The following DROSHA variants were observed in gnomAD, a reference collection of about 807,000 sequenced individuals.
The protein encoded by DROSHA is ribonuclease 3.
A neutral mutation model predicts 181.9 loss-of-function variants in DROSHA; 56 were observed. That is an observed-to-expected ratio of 0.31 (90% CI 0.25 to 0.38). The LOEUF is 0.38. DROSHA is among the 10% of genes least tolerant of loss of function. The pLI, the probability that DROSHA is intolerant of heterozygous loss-of-function variation, is 1.00. For synonymous variants in DROSHA, 524 were observed against 591.2 expected, an observed-to-expected ratio of 0.89 and a Z score of 1.65; for missense variants, 1,218 against 1,743.5, an observed-to-expected ratio of 0.70 and a Z score of 5.37.
rs569748970 is a variant in DROSHA at position 31,469,003 on chromosome 5, T to A, written c.2242-940A>T. 4.3e-4 allele frequency among the ~76,000 whole-genome samples: 66 copies of A among 152,298 alleles called. 1 individual carries two copies. The South Asian group carries it at 0.013, about 31-fold the overall frequency. ...TCTCTCAGCAACTGGGACAAACTGG[T>A]CACTCTACCTACAACTGTGATACCA... On this transcript the variant is annotated intron_variant, in intron 17 of 35. Coordinates refer to ENST00000344624, the MANE Select transcript of DROSHA (RefSeq NM_001382508.1).
Position 31,409,683 on chromosome 5 carries a change from T to C in DROSHA, c.3668-351A>G, listed in dbSNP as rs1561114407. 5.3e-6 allele frequency: 1 copy of C among 187,310 alleles called. No individual in the cohort carries two copies. The highest frequency in any genetic ancestry group is 1.1e-5 in the Non-Finnish European group (1 of 88,544). 11.6% of individuals were successfully genotyped at this position (187,310 alleles called of 1,614,324 possible). ...CAAAATATTACTTGAAGATTAGATATGATGCCAGAATACGCACATTCTTGG... is the reference window on the plus strand; with the variant it reads ...CAAAATATTACTTGAAGATTAGATACGATGCCAGAATACGCACATTCTTGG... On this transcript the variant is annotated intron_variant, in intron 31 of 35. Coordinates refer to ENST00000344624, the MANE Select transcript of DROSHA (RefSeq NM_001382508.1). The surrounding 1 kb of genome is among the most constrained non-coding windows in gnomAD (Gnocchi z 4.0).
rs16901243 is a variant in DROSHA, at chr5:31,514,124, T to G, written c.1290+864A>C. Among the ~76,000 whole-genome samples, 1 of 152,090 alleles carries G rather than the reference T, an allele frequency of 6.6e-6. No homozygotes were observed. Among genetic ancestry groups the G allele is most frequent in the African/African-American group, 2.4e-5 (1 of 41,420 alleles). On this transcript the variant is annotated intron_variant, in intron 8 of 35. Transcript: ENST00000344624. This position sits in a 1 kb window ranked among gnomAD's most constrained non-coding sequence, Gnocchi z 4.4. ...CAATGGCTCTCCCTTTCTGCAAAACTAGCCAATATGCATGGGCAACTTCGT... is the reference window on the plus strand; with the variant it reads ...CAATGGCTCTCCCTTTCTGCAAAACGAGCCAATATGCATGGGCAACTTCGT...
At chr5:31,404,808 TAAA>T (rs58366370) in intron 35 of DROSHA, among the ~76,000 whole-genome samples, 1 of 151,080 alleles carries the variant, frequency 6.6e-6, no homozygotes, top group Admixed American at 6.6e-5. Context: ...GATAATGATT[TAAA>T]AAAAAATGTC....
chr5:31,422,961 A>G lies in DROSHA; in HGVS notation c.3262-17T>C. ...CTCTTGTAGCTACAGGAAAATAGAA[A>G]TAAATAAAAATCATTTTTTCATTTT... On this transcript the variant is annotated splice_polypyrimidine_tract_variant and intron_variant, in intron 28 of 35. Coordinates refer to ENST00000344624, the MANE Select transcript of DROSHA (RefSeq NM_001382508.1). 2 of 1,506,466 alleles carry G rather than the reference A, an allele frequency of 1.3e-6. No homozygotes were observed. The highest frequency in any genetic ancestry group is 1.8e-6 in the Non-Finnish European group (2 of 1,131,144). The allele number at this position is 1,506,466 out of a possible 1,614,324, so 93.3% of individuals were successfully genotyped here. A position where few individuals can be genotyped will look rare whatever the true frequency, so the allele number is the denominator to read the frequency against.
intron 23 of DROSHA, among the ~76,000 whole-genome samples, chr5:31,440,579 T>A (rs957602332): frequency 1.3e-5 from 2 of 152,230 alleles, no homozygotes; most frequent in African/African-American, 4.8e-5. Context: ...TAAGTGATTC[T>A]GAACCCTCCT....
chr5:31,504,703 C>T, intron 10 of DROSHA, 68 bp from the exon 11 acceptor site: 1 of 1,536,810 alleles, frequency 6.5e-7, no homozygotes. Context: ...GGTGATGCCT[C>T]CGAAAATGCG....
rs768545686 is a variant in DROSHA, at chr5:31,406,894, A to G, written c.3906T>C (p.Val1302=). ...AGCCTATTCTTTCTCCCTTGAAATA[A>G]ACAGCCACAGTGTAGGTTCGGGCAT... The part of the protein sequence containing the change: ...PSHARTYTVA[V]YFKGERIGCG... The change falls in exon 34 of 36, where the codon GTT becomes GTC. Residue 1302 remains valine (V), a synonymous_variant. Transcript: ENST00000344624. The G allele has an allele frequency of 4.3e-6, 7 of 1,613,724 alleles. No homozygotes were observed. Among genetic ancestry groups the G allele is most frequent in the Non-Finnish European group, 5.9e-6 (7 of 1,179,774 alleles).
chr5:31,448,860 C>G (rs552606026), intron 22 of DROSHA, among the ~76,000 whole-genome samples: 2 of 152,190 alleles, frequency 1.3e-5, no homozygotes, highest in African/African-American at 4.8e-5. Flanking sequence ...GGGCCAGGCA[C>G]AGTGGCTCAG....
At chr5:31,461,424 A>T (rs1323474295) in intron 20 of DROSHA, among the ~76,000 whole-genome samples, 1 of 152,188 alleles carries the variant, frequency 6.6e-6, no homozygotes, top group Non-Finnish European at 1.5e-5. Flanking sequence ...CTACTTGTCA[A>T]AGATTTTCTG....
At chr5:31,530,630 CAA>C (rs34124311) in intron 3 of DROSHA, among the ~76,000 whole-genome samples, 166 bp downstream of exon 3, 25 of 112,626 alleles carry the variant, frequency 2.2e-4, no homozygotes, top group Admixed American at 2.9e-4. Context: ...AACTCTAGCT[CAA>C]AAAAAAAAAA....
chr5:31,434,254 T>C (rs901975493), intron 25 of DROSHA, among the ~76,000 whole-genome samples: 4 of 152,202 alleles, frequency 2.6e-5, no homozygotes, highest in African/African-American at 9.6e-5. Flanking sequence ...CTACAAGTGT[T>C]TGAAAAATAA....
At chr5:31,496,939 T>G (rs1753050617) in intron 11 of DROSHA, among the ~76,000 whole-genome samples, 2 of 152,232 alleles carry the variant, frequency 1.3e-5, no homozygotes, top group Admixed American at 6.5e-5. Context: ...CCATGGTGTC[T>G]GGGGCATGCC....
intron 3 of DROSHA, 136 bp from the exon 4 acceptor site, chr5:31,529,241 G>A: frequency 1.4e-6 from 1 of 710,442 alleles, no homozygotes. Flanking sequence ...TTAAAAGCAT[G>A]TTGAACTGTG....
chr5:31,529,133 A>G, intron 3 of DROSHA, 28 bp from the exon 4 acceptor site: 1 of 1,567,860 alleles, frequency 6.4e-7, no homozygotes, highest in Non-Finnish European at 8.7e-7. Context: ...TAAAACAGAC[A>G]TAAACATGTT....
rs575583356 is a variant in DROSHA, at chr5:31,478,881, T to C, written c.2071+4673A>G. 7.8e-4 allele frequency among the ~76,000 whole-genome samples: 119 copies of C among 152,312 alleles called. 2 individuals are homozygous for C. Among genetic ancestry groups the C allele is most frequent in the Non-Finnish European group, 1.3e-3 (89 of 68,022 alleles). On this transcript the variant is annotated intron_variant, in intron 16 of 35. Transcript: ENST00000344624. Reference sequence around the variant, plus strand: ...GGCCAACATCATTCTGAATTTAAAATGTACATACTATCTTAACACATAATT... The same window carrying C: ...GGCCAACATCATTCTGAATTTAAAACGTACATACTATCTTAACACATAATT...
chr5:31,475,358 C>T (rs1309102229), intron 16 of DROSHA, among the ~76,000 whole-genome samples: 3 of 152,114 alleles, frequency 2.0e-5, no homozygotes, highest in Non-Finnish European at 4.4e-5. Context: ...TCCAATCCAC[C>T]TGCTTGTGAC....
chr5:31,501,141 T>C (rs1175197348), intron 11 of DROSHA, among the ~76,000 whole-genome samples: 1 of 152,104 alleles, frequency 6.6e-6, no homozygotes, highest in Non-Finnish European at 1.5e-5. Context: ...AGCTGTACAC[T>C]GGGAAAAGAG....
intron 30 of DROSHA, among the ~76,000 whole-genome samples, chr5:31,418,565 G>A (rs1742256396): frequency 6.6e-6 from 1 of 152,152 alleles, no homozygotes; most frequent in South Asian, 2.1e-4. Flanking sequence ...CACCATACCT[G>A]GCCCTTGTAA....
chr5:31,494,150 T>A (rs923506974), intron 12 of DROSHA, among the ~76,000 whole-genome samples: 5 of 152,070 alleles, frequency 3.3e-5, no homozygotes, highest in African/African-American at 1.2e-4. Context: ...TGTATTTTAG[T>A]AGAGATGGGG....
Sources: allele counts gnomAD v4.1 joint callset (sites outside exome capture counted in the v4.1 genomes callset), GRCh38; gene constraint gnomAD v4.1.1; non-coding constraint Gnocchi (gnomAD v3.1); transcripts MANE v1.5; gene names NCBI Gene and HGNC (gene_info 2026-07-23, HGNC 2026-07-21).